Variants in AGPAT5 observed in about 807,000 individuals in gnomAD.
AGPAT5 encodes 1-acyl-sn-glycerol-3-phosphate acyltransferase epsilon.
AGPAT5 carries 46 observed loss-of-function variants against 45.6 expected under a neutral mutation model. That is an observed-to-expected ratio of 1.01 (90% confidence interval 0.80 to 1.29). The LOEUF is 1.29. AGPAT5 is among the 50% of genes most tolerant of loss of function. The pLI is 0.00. For missense variants in AGPAT5, 673 were observed against 450.7 expected (o/e 1.49, Z -4.47); for synonymous variants, 272 against 167.0 (o/e 1.63, Z -4.85).
intron 4 of AGPAT5, among the ~76,000 whole-genome samples, chr8:6,739,628 A>C (rs1801173260): frequency 6.6e-6 from 1 of 152,116 alleles, no homozygotes; most frequent in Non-Finnish European, 1.5e-5. Context: ...TGCTAAACTT[A>C]TTTATCATCT....
chr8:6,737,523 T>C (rs1286457610), intron 4 of AGPAT5, among the ~76,000 whole-genome samples: 5 of 152,220 alleles, frequency 3.3e-5, no homozygotes, highest in African/African-American at 1.2e-4. Flanking sequence ...CAATACAGTA[T>C]TTTCTTAAGG....
At chr8:6,729,224 C>G (rs911835135) in intron 2 of AGPAT5, among the ~76,000 whole-genome samples, 1 of 152,098 alleles carries the variant, frequency 6.6e-6, no homozygotes, top group Non-Finnish European at 1.5e-5. Flanking sequence ...TAGTATGGTG[C>G]ATTGTCTAAT....
At chr8:6,724,666 T>C (rs1800623275) in intron 1 of AGPAT5, among the ~76,000 whole-genome samples, 1 of 70,388 alleles carries the variant, frequency 1.4e-5, no homozygotes, top group Admixed American at 1.8e-4. Flanking sequence ...TTTTAATTTA[T>C]TACCGTTAAC....
chr8:6,751,916 C>T lies in AGPAT5; in HGVS notation c.746-3135C>T, dbSNP rs999644587. On this transcript the variant is annotated intron_variant, in intron 6 of 7. Coordinates refer to ENST00000285518, the MANE Select transcript of AGPAT5 (RefSeq NM_018361.5). ...TATGGAGGCCGGGCACAGTGGCTCA[C>T]GCGTGTAATCCCAGCATTTTGGGAT... Among the ~76,000 whole-genome samples the T allele has an allele frequency of 7.2e-5, 11 of 152,200 alleles. 1 individual carries two copies. The South Asian group carries it at 8.3e-4, about 12-fold the overall frequency.
chr8:6,710,220 T>C (rs1198247832), intron 1 of AGPAT5, among the ~76,000 whole-genome samples: 1 of 152,204 alleles, frequency 6.6e-6, no homozygotes, highest in Non-Finnish European at 1.5e-5. Context: ...GATTTTTTGG[T>C]TTGGCAAGTT....
intron 6 of AGPAT5, among the ~76,000 whole-genome samples, chr8:6,750,930 G>C (rs1049368834): frequency 1.3e-5 from 2 of 150,294 alleles, no homozygotes; most frequent in Non-Finnish European, 3.0e-5. Context: ...CGCTTTCTGA[G>C]ACATTATTCA....
intron 5 of AGPAT5, 102 bp from the exon 6 acceptor site, chr8:6,747,568 G>C: frequency 9.1e-7 from 1 of 1,096,298 alleles, no homozygotes; most frequent in South Asian, 1.7e-5. Flanking sequence ...AATAGATTCT[G>C]TTGTGTGTGT....
chr8:6,717,815 T>C (rs1016710157), intron 1 of AGPAT5, among the ~76,000 whole-genome samples: 2 of 151,900 alleles, frequency 1.3e-5, no homozygotes, highest in African/African-American at 4.9e-5. Context: ...AATTCCGTAG[T>C]TGATATTCAA....
intron 1 of AGPAT5, among the ~76,000 whole-genome samples, chr8:6,719,499 G>C (rs1483531677): frequency 6.6e-6 from 1 of 152,152 alleles, no homozygotes; most frequent in Admixed American, 6.5e-5. Context: ...ATTCATACAA[G>C]AGGGAACCTG....
intron 1 of AGPAT5, among the ~76,000 whole-genome samples, chr8:6,712,780 A>G (rs1800195386): frequency 6.6e-6 from 1 of 152,390 alleles, no homozygotes; most frequent in Admixed American, 6.5e-5. Flanking sequence ...ATAGCTGCAT[A>G]AACAATAACT....
intron 5 of AGPAT5, 113 bp downstream of exon 5, chr8:6,741,864 A>G (rs1587046880): frequency 4.0e-6 from 3 of 747,628 alleles, no homozygotes; most frequent in East Asian, 2.6e-5. Flanking sequence ...GAATGTATTC[A>G]TTCCTTGAAT....
At chr8:6,741,638 C>T in intron 4 of AGPAT5, 23 bp from the exon 5 acceptor site, 1 of 1,539,268 alleles carries the variant, frequency 6.5e-7, no homozygotes, top group South Asian at 1.2e-5. Flanking sequence ...CAAAATAAAC[C>T]AAATTTGCTC....
intron 1 of AGPAT5, among the ~76,000 whole-genome samples, chr8:6,711,334 TTTC>T (rs1360433015): frequency 6.6e-6 from 1 of 152,236 alleles, no homozygotes; most frequent in Admixed American, 6.5e-5. Flanking sequence ...ACTACTTTAT[TTTC>T]ATATGTATCT....
At chr8:6,725,028 G>A in intron 2 of AGPAT5, 89 bp downstream of exon 2, 1 of 447,964 alleles carries the variant, frequency 2.2e-6, no homozygotes, top group South Asian at 1.1e-4. Context: ...AATGAAGTGG[G>A]TTTTTTAAAA....
At chr8:6,730,853 T>A in intron 3 of AGPAT5, 27 bp downstream of exon 3, 1 of 1,484,224 alleles carries the variant, frequency 6.7e-7, no homozygotes, top group Non-Finnish European at 9.3e-7. Context: ...CTTTTCTCTC[T>A]ATATATGTAG....
At chr8:6,743,672 A>G (rs927180448) in intron 5 of AGPAT5, among the ~76,000 whole-genome samples, 2 of 151,756 alleles carry the variant, frequency 1.3e-5, no homozygotes, top group Non-Finnish European at 2.9e-5. Flanking sequence ...TTTTCCTTAG[A>G]CTTGTTTTAG....
chr8:6,733,593 G>C (rs796339453), intron 4 of AGPAT5, among the ~76,000 whole-genome samples: 1 of 152,204 alleles, frequency 6.6e-6, no homozygotes, highest in Non-Finnish European at 1.5e-5. Flanking sequence ...ACCAAGCTTG[G>C]TGTCTTCAAA....
In AGPAT5 at chr8:6,724,878, A is replaced by G. The variant is rs763026535; in HGVS notation, c.228A>G (p.Leu76=). 1.3e-5 allele frequency: 14 copies of G among 1,048,068 alleles called. No homozygotes were observed. In the East Asian group the frequency reaches 2.4e-4, roughly 18 times the overall value. The allele number at this position is 1,048,068 out of a possible 1,614,324, so 64.9% of individuals were successfully genotyped here. A position where few individuals can be genotyped will look rare whatever the true frequency, so the allele number is the denominator to read the frequency against. The change falls in exon 2 of 8, where the codon CTA becomes CTG. Residue 76 remains leucine, a synonymous_variant. Coordinates refer to ENST00000285518, the MANE Select transcript of AGPAT5 (RefSeq NM_018361.5). ...FENYTGVQIL[L]YGDLPKNKEN... Reference sequence around the variant, plus strand: ...TTTGTTTTATCTTTTAGATATTGCTATATGGAGATTTGCCAAAAAATAAAG... The same window carrying G: ...TTTGTTTTATCTTTTAGATATTGCTGTATGGAGATTTGCCAAAAAATAAAG...
chr8:6,725,178 C>T (rs1046450462), intron 2 of AGPAT5, among the ~76,000 whole-genome samples: 4 of 152,290 alleles, frequency 2.6e-5, no homozygotes, highest in Non-Finnish European at 4.4e-5. Flanking sequence ...TATCTTCTTA[C>T]TTGCTTGCTT....
Sources: gnomAD v4.1 joint callset for allele counts (sites outside exome capture counted in the v4.1 genomes callset) on GRCh38, gnomAD v4.1.1 for gene constraint, MANE v1.5 for transcripts, NCBI Gene and HGNC (gene_info 2026-07-23, HGNC 2026-07-21) for gene names.